FAM20C: variants seen among roughly 807,000 people sequenced by gnomAD.
FAM20C encodes FAM20C golgi associated secretory pathway kinase.
FAM20C carries 40 observed loss-of-function variants against 51.5 expected under a neutral mutation model. The observed-to-expected ratio is 0.78, with a 90% confidence interval of 0.60 to 1.01. FAM20C has a LOEUF of 1.01. Among genes scored for constraint, FAM20C ranks in the 50% least tolerant of loss-of-function variants. The probability of loss-of-function intolerance (pLI) is 0.00; values close to 1 mark genes in which losing one functional copy is unlikely to be tolerated. For missense variants in FAM20C, 861 were observed against 844.7 expected, an observed-to-expected ratio of 1.02 and a Z score of -0.24; for synonymous variants, 406 against 380.6, an observed-to-expected ratio of 1.07 and a Z score of -0.78.
chr7:194,543 G>A (rs563268412), intron 1 of FAM20C, among the ~76,000 whole-genome samples: 2 of 152,258 alleles, frequency 1.3e-5, no homozygotes, highest in African/African-American at 4.8e-5. Flanking sequence ...CAGAGGGGGA[G>A]ACCAGCCTTC....
chr7:247,150 G>A (rs914557955), intron 4 of FAM20C, among the ~76,000 whole-genome samples: 29 of 152,212 alleles, frequency 1.9e-4, no homozygotes, highest in African/African-American at 7.0e-4. Context: ...TGTGATGAGG[G>A]GGCCTGGGAG....
At chr7:227,165 G>A (rs1282452152) in intron 3 of FAM20C, among the ~76,000 whole-genome samples, 1 of 152,028 alleles carries the variant, frequency 6.6e-6, no homozygotes, top group South Asian at 2.1e-4. Context: ...GCAATATCGA[G>A]GGTCTTTTTG....
chr7:224,015 G>A (rs532829706), intron 3 of FAM20C, among the ~76,000 whole-genome samples: 1 of 150,500 alleles, frequency 6.6e-6, no homozygotes, highest in East Asian at 1.9e-4. Flanking sequence ...GCACCATCAC[G>A]GGGGTCGCAC....
At chr7:249,356 G>A (rs557568757) in intron 5 of FAM20C, among the ~76,000 whole-genome samples, 8 of 152,366 alleles carry the variant, frequency 5.3e-5, no homozygotes, top group Admixed American at 1.3e-4. Flanking sequence ...TGGTGCTGAG[G>A]TTTATAAAAC....
intron 5 of FAM20C, 134 bp from the exon 6 acceptor site, chr7:255,715 G>T: frequency 1.2e-6 from 1 of 839,904 alleles, no homozygotes; most frequent in Non-Finnish European, 1.8e-6. Flanking sequence ...TGCTGGGATT[G>T]ATGGGGAACT....
chr7:241,601 TA>T, intron 3 of FAM20C, among the ~76,000 whole-genome samples: 1 of 151,866 alleles, frequency 6.6e-6, no homozygotes, highest in Non-Finnish European at 1.5e-5. Context: ...AGTGTGCATA[TA>T]TGTCCATGCA....
chr7:231,544 A>G (rs114130320), intron 3 of FAM20C, among the ~76,000 whole-genome samples: 2,692 of 150,936 alleles, frequency 0.018, 76 homozygotes, highest in African/African-American at 0.063. Context: ...GCTCCGTGGG[A>G]GGAGGGTTCT....
At chr7:234,896 C>A (rs1014373406) in intron 3 of FAM20C, among the ~76,000 whole-genome samples, 3 of 152,152 alleles carry the variant, frequency 2.0e-5, no homozygotes, top group Non-Finnish European at 4.4e-5. Context: ...GGGACCTCAG[C>A]ACCCCCTTTC....
chr7:203,756 C>A (rs915338688), intron 2 of FAM20C, among the ~76,000 whole-genome samples: 8 of 152,110 alleles, frequency 5.3e-5, no homozygotes, highest in South Asian at 2.1e-4. Context: ...GAAGATAGGA[C>A]CTGCTTCCAG....
chr7:204,616 C>T (rs1045285929), intron 2 of FAM20C, among the ~76,000 whole-genome samples: 26 of 152,384 alleles, frequency 1.7e-4, no homozygotes, highest in Non-Finnish European at 2.2e-4. Context: ...CCCCACACTG[C>T]GGCTGTTCTC....
Position 256,019 on chromosome 7 carries a change from A to T in FAM20C, c.1243A>T (p.Lys415Ter). Residue 415 changes from lysine (K) to a stop codon, truncating the protein, a stop_gained, in exon 6 of 10, where the codon AAG becomes TAG. Coordinates refer to ENST00000313766, the MANE Select transcript of FAM20C (RefSeq NM_020223.4). LOFTEE classifies it high-confidence loss of function. Reference protein sequence around the residue: ...NPWRRSYHKRKKAEWEVDPDY... With the variant: ...NPWRRSYHKR Reference sequence around the variant, plus strand: ...TTGGCGGCGTTCCTACCACAAGCGCAAGAAGGCCGAGTGAGTGCGGGGCCG... The same window carrying T: ...TTGGCGGCGTTCCTACCACAAGCGCTAGAAGGCCGAGTGAGTGCGGGGCCG... The T allele has an allele frequency of 6.5e-7, 1 of 1,535,750 alleles. No individual in the cohort carries two copies. The highest frequency in any genetic ancestry group is 8.7e-7 in the Non-Finnish European group (1 of 1,146,686).
intron 3 of FAM20C, among the ~76,000 whole-genome samples, chr7:231,501 G>A (rs1475389238): frequency 6.6e-6 from 1 of 151,634 alleles, no homozygotes; most frequent in Non-Finnish European, 1.5e-5. Context: ...CCGGCGTCGA[G>A]GGCCCCGTGG....
At chr7:232,861 C>T (rs1787741490) in intron 3 of FAM20C, among the ~76,000 whole-genome samples, 3 of 152,318 alleles carry the variant, frequency 2.0e-5, no homozygotes, top group South Asian at 2.1e-4. Context: ...CCCTGGATTT[C>T]GGAGAAACAA....
intron 3 of FAM20C, among the ~76,000 whole-genome samples, chr7:237,094 C>G (rs981037126): frequency 0.017 from 2,637 of 152,322 alleles, 85 homozygotes; most frequent in African/African-American, 0.061. Context: ...TGTGAGGATC[C>G]CAGAACAGGC....
chr7:246,929 C>A (rs1305764640), intron 4 of FAM20C, among the ~76,000 whole-genome samples: 1 of 152,186 alleles, frequency 6.6e-6, no homozygotes, highest in Non-Finnish European at 1.5e-5. Context: ...GCACCTTAAT[C>A]CAGATGGGCC....
chr7:194,152 C>T (rs1169522674), intron 1 of FAM20C: 2 of 254,528 alleles, frequency 7.9e-6, no homozygotes, highest in East Asian at 1.4e-4. Context: ...GCCAGGCTGC[C>T]GCTGGGCTTT....
chr7:220,779 C>T (rs1290033993), intron 3 of FAM20C, among the ~76,000 whole-genome samples: 2 of 152,212 alleles, frequency 1.3e-5, no homozygotes, highest in African/African-American at 4.8e-5. Flanking sequence ...ATCTGGTGCT[C>T]GAGCATAGGA....
At chr7:222,980 G>T (rs755053174) in intron 3 of FAM20C, among the ~76,000 whole-genome samples, 1 of 152,072 alleles carries the variant, frequency 6.6e-6, no homozygotes, top group South Asian at 2.1e-4. Context: ...TGTCATGCAG[G>T]TGCTGTGTGG....
At chr7:242,823 G>T (rs1787988076) in intron 3 of FAM20C, among the ~76,000 whole-genome samples, 1 of 152,012 alleles carries the variant, frequency 6.6e-6, no homozygotes, top group African/African-American at 2.4e-5. Context: ...GGCCAGGCTG[G>T]GGGTGAGGTG....
Sources: allele counts gnomAD v4.1 joint callset (sites outside exome capture counted in the v4.1 genomes callset), GRCh38; gene constraint gnomAD v4.1.1; transcripts MANE v1.5; gene names NCBI Gene and HGNC (gene_info 2026-07-23, HGNC 2026-07-21).